The following NLRP5 variants were observed in gnomAD, a reference collection of about 807,000 sequenced individuals.
The protein encoded by NLRP5 is NACHT, LRR and PYD domains-containing protein 5.
Under a neutral mutation model 113.1 loss-of-function variants are expected in NLRP5, and 93 were observed. The observed-to-expected ratio is 0.82, with a 90% CI of 0.70 to 0.98. The LOEUF is 0.98. Ranked by LOEUF, NLRP5 falls within the 50% of genes least tolerant of loss-of-function variation. The pLI, the probability that NLRP5 is intolerant of heterozygous loss-of-function variation, is 0.00. For missense variants in NLRP5, 1,808 were observed against 1,514.3 expected (o/e 1.19, Z -3.22); for synonymous variants, 751 against 600.7 (o/e 1.25, Z -3.66).
chr19:56,045,566 C>T (rs1366641714), intron 11 of NLRP5, among the ~76,000 whole-genome samples: 1 of 152,030 alleles, frequency 6.6e-6, no homozygotes, highest in East Asian at 1.9e-4. Flanking sequence ...CCTCCGACCC[C>T]ACAACAGGCC....
intron 11 of NLRP5, 131 bp from the exon 12 acceptor site, chr19:56,050,287 A>AG (rs1207221115): frequency 3.7e-5 from 29 of 784,696 alleles, no homozygotes; most frequent in East Asian, 1.1e-4. Flanking sequence ...AAAAAAAAAA[A>AG]AGAAAAAAAA....
the NLRP5 span, chr19:55,987,990 T>C: frequency 9.2e-7 from 1 of 1,082,254 alleles, no homozygotes; most frequent in Non-Finnish European, 1.4e-6. Flanking sequence ...GGCGTTATCA[T>C]CCTGTATGCA....
intron 9 of NLRP5, among the ~76,000 whole-genome samples, chr19:56,037,442 T>C (rs973681051): frequency 3.3e-5 from 5 of 151,964 alleles, no homozygotes; most frequent in African/African-American, 9.7e-5. Context: ...ATGCCTGTAA[T>C]CCAGTGCTTT....
chr19:55,996,490 C>T (rs1028519291), upstream of NLRP5, among the ~76,000 whole-genome samples: 1 of 152,138 alleles, frequency 6.6e-6, no homozygotes, highest in Non-Finnish European at 1.5e-5. Flanking sequence ...TCCTAATGCT[C>T]CCTCCCCCAC....
At chr19:56,050,820 C>T (rs756349154) in intron 12 of NLRP5, among the ~76,000 whole-genome samples, 63 of 152,164 alleles carry the variant, frequency 4.1e-4, no homozygotes, top group Non-Finnish European at 7.6e-4. Flanking sequence ...GCCCTTGATA[C>T]CTAAACACTG....
intron 6 of NLRP5, among the ~76,000 whole-genome samples, chr19:56,020,912 C>T (rs190837450): frequency 3.8e-4 from 55 of 145,590 alleles, no homozygotes; most frequent in Non-Finnish European, 7.3e-4. Context: ...CTCGCTGTGT[C>T]GCCCAAGCTG....
chr19:55,997,464 C>G (rs1261035766), upstream of NLRP5, among the ~76,000 whole-genome samples: 1 of 152,052 alleles, frequency 6.6e-6, no homozygotes, highest in African/African-American at 2.4e-5. Context: ...ATGCTTGGCT[C>G]ATAGAATGAG....
At chr19:56,044,469 G>A (rs1441563302) in intron 11 of NLRP5, among the ~76,000 whole-genome samples, 1 of 152,202 alleles carries the variant, frequency 6.6e-6, no homozygotes, top group Non-Finnish European at 1.5e-5. Context: ...TTGTCGAAAA[G>A]GGTGTCCTTT....
intron 11 of NLRP5, among the ~76,000 whole-genome samples, chr19:56,043,442 G>A (rs1983593320): frequency 6.6e-6 from 1 of 150,576 alleles, no homozygotes; most frequent in Non-Finnish European, 1.5e-5. Context: ...CTTTTTGATG[G>A]GATTGTTTTT....
intron 3 of NLRP5, 118 bp downstream of exon 3, chr19:56,008,971 T>TA (rs1982066046): frequency 1.2e-6 from 1 of 837,664 alleles, no homozygotes; most frequent in Non-Finnish European, 2.0e-6. Context: ...CTAGTCTAAC[T>TA]ACCCTACATT....
intron 9 of NLRP5, among the ~76,000 whole-genome samples, chr19:56,037,162 T>C (rs1310792226): frequency 1.3e-5 from 2 of 152,052 alleles, no homozygotes; most frequent in African/African-American, 2.4e-5. Flanking sequence ...ATGTGTTAGA[T>C]TTGGGGGTGG....
intron 2 of NLRP5, among the ~76,000 whole-genome samples, chr19:56,007,759 G>A (rs1013661999): frequency 3.4e-5 from 5 of 146,720 alleles, no homozygotes; most frequent in African/African-American, 7.7e-5. Context: ...ACAGGGAGAC[G>A]AGTTTGAGGT....
At chr19:56,005,083 G>T (rs1981803265) in intron 2 of NLRP5, among the ~76,000 whole-genome samples, 1 of 111,640 alleles carries the variant, frequency 9.0e-6, no homozygotes. Context: ...AACGGAGTGA[G>T]ACTGTGTCTC....
In NLRP5 at chr19:56,011,026, C is replaced by A. The variant is rs114714887; in HGVS notation, c.508+2173C>A. ...AATTAGCTGAGTGTGGGAGTGTGCA[C>A]GTATAGTCCCAGCTACTTGGGAAGC... is the stretch of plus-strand genomic sequence containing the variant. On this transcript the variant is annotated intron_variant, in intron 3 of 14. Coordinates refer to ENST00000390649, the MANE Select transcript of NLRP5 (RefSeq NM_153447.4). Among the ~76,000 whole-genome samples the A allele has an allele frequency of 4.2e-3, 641 of 151,768 alleles. 6 individuals carry two copies. The highest frequency in any genetic ancestry group is 0.015 in the African/African-American group (605 of 41,410).
At chr19:56,024,665 G>A (rs1248286934) in intron 6 of NLRP5, among the ~76,000 whole-genome samples, 1 of 151,644 alleles carries the variant, frequency 6.6e-6, no homozygotes, top group East Asian at 1.9e-4. Flanking sequence ...GGCTGAGGCA[G>A]GAGCATTGCT....
chr19:56,011,818 A>C (rs1321889968), intron 3 of NLRP5, among the ~76,000 whole-genome samples: 1 of 151,132 alleles, frequency 6.6e-6, no homozygotes, highest in East Asian at 2.0e-4. Context: ...CTGCCTCCCA[A>C]GTAGCTGGGA....
chr19:56,058,644 G>A (rs764430283), intron 14 of NLRP5, among the ~76,000 whole-genome samples: 13 of 152,180 alleles, frequency 8.5e-5, no homozygotes, highest in Middle Eastern at 3.2e-3. Context: ...GGGTAGGTTG[G>A]GAAGGGCACA....
chr19:56,010,742 C>CCAAAAAAAAAAAAAAAAAAAAAAA lies in NLRP5; in HGVS notation c.508+1889_508+1890insCAAAAAAAAAAAAAAAAAAAAAAA, dbSNP rs1555764914. Among the ~76,000 whole-genome samples the CCAAAAAAAAAAAAAAAAAAAAAAA allele has an allele frequency of 5.1e-4, 21 of 41,278 alleles. 2 individuals carry two copies. Among genetic ancestry groups the CCAAAAAAAAAAAAAAAAAAAAAAA allele is most frequent in the African/African-American group, 2.2e-3 (21 of 9,608 alleles). The allele number at this position is 41,278 out of a possible 152,430, so 27.1% of individuals were successfully genotyped here. A position where few individuals can be genotyped will look rare whatever the true frequency, so the allele number is the denominator to read the frequency against. On this transcript the variant is annotated intron_variant, in intron 3 of 14. Coordinates refer to ENST00000390649, the MANE Select transcript of NLRP5 (RefSeq NM_153447.4). ...GGGAAACAAGAGCTTAACTCTGTCT[C>CCAAAAAAAAAAAAAAAAAAAAAAA]AAAAAAAAAAAAAGTCCCTTGAAAC...
At chr19:55,986,821 G>A in the NLRP5 span, among the ~76,000 whole-genome samples, 10 of 152,182 alleles carry the variant, frequency 6.6e-5, no homozygotes, top group South Asian at 2.1e-4. Flanking sequence ...GTGTGAAGCT[G>A]GTGAGTATTC....
Sources: gnomAD v4.1 joint callset for allele counts (sites outside exome capture counted in the v4.1 genomes callset) on GRCh38, gnomAD v4.1.1 for gene constraint, MANE v1.5 for transcripts, NCBI Gene and HGNC (gene_info 2026-07-23, HGNC 2026-07-21) for gene names.